The following CHN2 variants were observed in gnomAD, a reference collection of about 807,000 sequenced individuals.
CHN2 encodes the protein chimerin 2.
A neutral mutation model predicts 56.3 loss-of-function variants in CHN2; 35 were observed. That is an observed-to-expected ratio of 0.62 (90% CI 0.47 to 0.82). CHN2 has a LOEUF of 0.82. Ranked by LOEUF, CHN2 falls within the 40% of genes least tolerant of loss-of-function variation. The pLI is 0.00. For synonymous variants in CHN2, 210 were observed against 212.8 expected (o/e 0.99, Z 0.12); for missense variants, 491 against 580.5 (o/e 0.85, Z 1.58).
intron 1 of CHN2, among the ~76,000 whole-genome samples, chr7:29,344,112 A>C (rs921553418): frequency 1.3e-5 from 2 of 152,124 alleles, no homozygotes; most frequent in Admixed American, 6.5e-5. Flanking sequence ...CAAGGCCTGT[A>C]GATTCTGTCT....
intron 6 of CHN2, among the ~76,000 whole-genome samples, chr7:29,442,934 C>CTTTTTTTTTTTTCTTTTTTTTTTTTTT: frequency 9.7e-6 from 1 of 103,070 alleles, no homozygotes; most frequent in Non-Finnish European, 1.8e-5. Context: ...CATTGAATTT[C>CTTTTTTTTTTTTCTTTTTTTTTTTTTT]TTTTTTTTTT....
chr7:29,421,396 A>G (rs1418358712), intron 6 of CHN2, among the ~76,000 whole-genome samples: 1 of 152,110 alleles, frequency 6.6e-6, no homozygotes, highest in African/African-American at 2.4e-5. Context: ...ACGGCTCTGG[A>G]AGGAAGTAAA....
chr7:29,298,823 A>G (rs887055932), intron 1 of CHN2, among the ~76,000 whole-genome samples: 2 of 152,236 alleles, frequency 1.3e-5, no homozygotes, highest in African/African-American at 4.8e-5. Flanking sequence ...TGACAAATGT[A>G]TGATAAGTTT....
intron 6 of CHN2, among the ~76,000 whole-genome samples, chr7:29,436,329 A>G (rs968137088): frequency 5.9e-5 from 9 of 152,212 alleles, no homozygotes; most frequent in South Asian, 2.1e-4. Context: ...TTTTTAAAGT[A>G]GGTAAATTGG....
At chr7:29,457,413 G>A (rs760611242) in intron 6 of CHN2, among the ~76,000 whole-genome samples, 3 of 152,066 alleles carry the variant, frequency 2.0e-5, no homozygotes, top group Admixed American at 2.0e-4. Context: ...AGAGCTCCCC[G>A]TGCCTCTGCA....
chr7:29,332,888 A>G (rs986831106), intron 1 of CHN2: 4 of 151,938 alleles, frequency 2.6e-5, no homozygotes, highest in Non-Finnish European at 5.9e-5. Context: ...TCATAAGTTG[A>G]GGAGCTTCTG....
intron 1 of CHN2, among the ~76,000 whole-genome samples, chr7:29,321,184 T>C (rs1278177387): frequency 6.6e-6 from 1 of 152,246 alleles, no homozygotes; most frequent in African/African-American, 2.4e-5. Flanking sequence ...ATTTCATTTA[T>C]ACATGCTTTT....
Position 29,400,558 on chromosome 7 carries a change from C to T in CHN2, c.306C>T (p.Thr102=), listed in dbSNP as rs765132257. 4 of 1,613,962 alleles carry T rather than the reference C, an allele frequency of 2.5e-6. No individual in the cohort carries two copies. The highest frequency in any genetic ancestry group is 3.4e-6 in the Non-Finnish European group (4 of 1,180,010). ...TCACGGGCAGGTTTGGAAACCAGACCTTAAACTACAGGCTCTTCCACGACG... is the reference window on the plus strand; with the variant it reads ...TCACGGGCAGGTTTGGAAACCAGACTTTAAACTACAGGCTCTTCCACGACG... The part of the protein sequence containing the change: ...YTLALRFGNQ[T]LNYRLFHDGK... The change falls in exon 6 of 13, where the codon ACC becomes ACT. Residue 102 remains threonine, a synonymous_variant. Coordinates refer to ENST00000222792, the MANE Select transcript of CHN2 (RefSeq NM_004067.4).
At chr7:29,241,444 T>C (rs759179842) in intron 1 of CHN2, among the ~76,000 whole-genome samples, 15 of 151,972 alleles carry the variant, frequency 9.9e-5, no homozygotes, top group Non-Finnish European at 1.8e-4. Flanking sequence ...CTTCTCAAGG[T>C]TCCACCCCAG....
At chr7:29,347,815 A>G (rs570724991) in intron 1 of CHN2, among the ~76,000 whole-genome samples, 75 of 152,262 alleles carry the variant, frequency 4.9e-4, no homozygotes, top group Non-Finnish European at 7.6e-4. Context: ...AGCAACAGTT[A>G]TAAAAAGAAA....
intron 2 of CHN2, among the ~76,000 whole-genome samples, chr7:29,154,057 A>G: frequency 6.6e-6 from 1 of 152,192 alleles, no homozygotes; most frequent in East Asian, 1.9e-4. Context: ...TTTTGACTGC[A>G]CAGGGGGTTG....
At chr7:29,168,383 A>G (rs934194884) in intron 2 of CHN2, among the ~76,000 whole-genome samples, 11 of 152,124 alleles carry the variant, frequency 7.2e-5, no homozygotes, top group African/African-American at 2.4e-4. Flanking sequence ...AAAACTTTTT[A>G]TCTTAGAAAA....
At chr7:29,376,711 C>T (rs1800107165) in intron 3 of CHN2, among the ~76,000 whole-genome samples, 1 of 152,188 alleles carries the variant, frequency 6.6e-6, no homozygotes, top group Non-Finnish European at 1.5e-5. Flanking sequence ...AGCACTTGTG[C>T]TAGACTATTC....
chr7:29,372,293 C>T (rs1338430559), intron 3 of CHN2, among the ~76,000 whole-genome samples: 1 of 152,058 alleles, frequency 6.6e-6, no homozygotes, highest in Non-Finnish European at 1.5e-5. Flanking sequence ...TTCTCAGACC[C>T]AGGTTCTCTG....
At chr7:29,239,151 G>A (rs1214594741) in intron 1 of CHN2, among the ~76,000 whole-genome samples, 1 of 152,170 alleles carries the variant, frequency 6.6e-6, no homozygotes, top group African/African-American at 2.4e-5. Flanking sequence ...TAATCTCAAA[G>A]GGAGATGATT....
chr7:29,299,881 A>G (rs1307948234), intron 1 of CHN2, among the ~76,000 whole-genome samples: 1 of 152,214 alleles, frequency 6.6e-6, no homozygotes, highest in African/African-American at 2.4e-5. Context: ...AAGGAGAATC[A>G]GGGAAGACCT....
intron 1 of CHN2, among the ~76,000 whole-genome samples, chr7:29,297,999 G>A (rs1793327836): frequency 6.6e-6 from 1 of 152,154 alleles, no homozygotes; most frequent in Non-Finnish European, 1.5e-5. Context: ...CCTGGGGTTC[G>A]TGAGGGAGAG....
intron 10 of CHN2, among the ~76,000 whole-genome samples, chr7:29,506,572 G>A (rs1790590613): frequency 6.6e-6 from 1 of 152,200 alleles, no homozygotes; most frequent in South Asian, 2.1e-4. Context: ...AGGAGGTGGA[G>A]GTTGCAGTGA....
intron 6 of CHN2, among the ~76,000 whole-genome samples, chr7:29,440,197 A>G (rs1467459980): frequency 6.6e-6 from 1 of 152,226 alleles, no homozygotes; most frequent in Non-Finnish European, 1.5e-5. Context: ...GTTTATCTGC[A>G]TTAAATATGC....
Sources: allele counts gnomAD v4.1 joint callset (sites outside exome capture counted in the v4.1 genomes callset), GRCh38; gene constraint gnomAD v4.1.1; transcripts MANE v1.5; gene names NCBI Gene and HGNC (gene_info 2026-07-23, HGNC 2026-07-21).